The following ITIH3 variants were observed in gnomAD, a reference collection of about 807,000 sequenced individuals.
ITIH3 encodes inter-alpha-trypsin inhibitor heavy chain H3.
A neutral mutation model predicts 96.5 loss-of-function variants in ITIH3; 81 were observed. The observed-to-expected ratio is 0.84, with a 90% CI of 0.70 to 1.01. The LOEUF is 1.01. Ranked by LOEUF, ITIH3 falls within the 50% of genes least tolerant of loss-of-function variation. ITIH3 has a pLI of 0.00. For missense variants in ITIH3, 1,057 were observed against 1,139.3 expected, an observed-to-expected ratio of 0.93 and a Z score of 1.04; for synonymous variants, 422 against 445.2, an observed-to-expected ratio of 0.95 and a Z score of 0.66.
chr3:52,797,186 C>T lies in ITIH3; in HGVS notation c.468C>T (p.Tyr156=), dbSNP rs764559635. ...AGSKVTFELT[Y]EELLKRHKGK... is the part of the protein sequence containing the mutation. ...GCAAAGTCACCTTCGAGCTAACCTA[C>T]GAGGAGCTGCTGAAGAGGCACAAGG... Residue 156 remains tyrosine (Y), a synonymous_variant, in exon 5 of 22, where the codon TAC becomes TAT. Transcript: ENST00000449956. 1.1e-5 allele frequency: 17 copies of T among 1,608,740 alleles called. No individual in the cohort carries two copies. Among genetic ancestry groups the T allele is most frequent in the South Asian group, 6.7e-5 (6 of 89,780 alleles).
intron 15 of ITIH3, chr3:52,805,557 G>A: frequency 7.5e-7 from 1 of 1,327,656 alleles, no homozygotes; most frequent in Non-Finnish European, 9.6e-7. Flanking sequence ...TGACTTAATG[G>A]CTTGCATTTC....
intron 15 of ITIH3, chr3:52,805,376 A>C (rs1200867457): frequency 6.8e-6 from 7 of 1,023,756 alleles, no homozygotes; most frequent in Non-Finnish European, 8.2e-6. Flanking sequence ...GGTGCATGTG[A>C]GTACATATAT....
chr3:52,808,780 A>G lies in ITIH3; in HGVS notation c.*99A>G, dbSNP rs1354024051. On this transcript the variant is annotated 3_prime_UTR_variant, in exon 22 of 22. Transcript: ENST00000449956. ...CCTGTGGGAGGGGCTGGGAAAATAAAGTCCAAGGTCGAGACCAGACAGCTG... is the reference window on the plus strand; with the variant it reads ...CCTGTGGGAGGGGCTGGGAAAATAAGGTCCAAGGTCGAGACCAGACAGCTG... 7 of 1,475,868 alleles carry G rather than the reference A, an allele frequency of 4.7e-6. No individual in the cohort carries two copies. The African/African-American group carries it at 8.3e-5, about 18-fold the overall frequency. The allele number at this position is 1,475,868 out of a possible 1,614,324, so 91.4% of individuals were successfully genotyped here.
At chr3:52,802,623 C>G (rs1340009798) in intron 12 of ITIH3, 44 bp from the exon 13 acceptor site, 2 of 1,612,926 alleles carry the variant, frequency 1.2e-6, no homozygotes. Context: ...GAACCTGATC[C>G]ACCCAAGCCT....
Position 52,796,626 on chromosome 3 carries a change from C to G in ITIH3, c.260C>G (p.Ala87Gly). The G allele has an allele frequency of 6.2e-7, 1 of 1,612,768 alleles. No homozygotes were observed. Among genetic ancestry groups the G allele is most frequent in the South Asian group, 1.1e-5 (1 of 90,830 alleles). The change falls in exon 3 of 22, where the codon GCC becomes GGC. Residue 87 changes from alanine to glycine, a missense_variant. Physicochemically the swap from Ala to Gly is moderately conservative, Grantham distance 60. Transcript: ENST00000449956. The stretch of plus-strand genomic sequence containing the variant: ...TTTGATGTGGAGCTGCCCAAGACGG[C>G]CTTCATCACCAACTTCACCTTGTGG... Reference protein sequence around the residue: ...VSFDVELPKTAFITNFTLTID... With the variant: ...VSFDVELPKTGFITNFTLTID...
chr3:52,799,686 C>A, intron 8 of ITIH3, 67 bp from the exon 9 acceptor site: 1 of 1,491,206 alleles, frequency 6.7e-7, no homozygotes, highest in South Asian at 1.3e-5. Context: ...GGCTGCACCG[C>A]CTGCTGAGCT....
At chr3:52,798,026 A>G (rs1559470590) in intron 6 of ITIH3, 96 bp downstream of exon 6, 2 of 730,012 alleles carry the variant, frequency 2.7e-6, no homozygotes, top group Non-Finnish European at 4.7e-6. Flanking sequence ...TGCTGCAAGC[A>G]TGCATGTGTT....
At chr3:52,800,070 C>A in intron 9 of ITIH3, 149 bp downstream of exon 9, 2 of 692,428 alleles carry the variant, frequency 2.9e-6, no homozygotes, top group South Asian at 2.1e-5. Context: ...GGTCCTCAGG[C>A]TTGAAGACAG....
Position 52,805,677 on chromosome 3 carries a change from C to G in ITIH3, c.1874-131C>G. 6.6e-6 allele frequency: 10 copies of G among 1,516,164 alleles called. No homozygotes were observed. In the South Asian group the frequency reaches 1.2e-4, roughly 18 times the overall value. The allele number at this position is 1,516,164 out of a possible 1,614,324, so 93.9% of individuals were successfully genotyped here. On this transcript the variant is annotated intron_variant, in intron 15 of 21. Transcript: ENST00000449956. ...ATTTCCAAAGCCTAATCTTTGTAGT[C>G]ACATCTCCACCTCTATCTGCCAGTG...
Position 52,808,193 on chromosome 3 carries a change from G to A in ITIH3, c.2515G>A (p.Val839Met). 6.2e-7 allele frequency: 1 copy of A among 1,614,176 alleles called. No individual in the cohort carries two copies. Among genetic ancestry groups the A allele is most frequent in the Non-Finnish European group, 8.5e-7 (1 of 1,180,014 alleles). The change falls in exon 21 of 22, where the codon GTG (valine) becomes ATG (methionine). Residue 839 changes from valine to methionine, a missense_variant. Coordinates refer to ENST00000449956, the MANE Select transcript of ITIH3 (RefSeq NM_002217.4). ...CACAAAGCCAGATGCCACATTGGTG[G>A]TGAAGAACCATCAGCTGATTGTCAC... ...DPTKPDATLV[V>M]KNHQLIVTRG...
At position 52,799,061 on chromosome 3, in the gene ITIH3, C is replaced by A; in HGVS notation, c.759C>A (p.Asp253Glu). ...ATGGAGATTTCACTATCACCTATGA[C>A]GTGAACAGAGAATCTCCTGGCAACG... Reference protein sequence around the residue: ...LLNGDFTITYDVNRESPGNVQ... With the variant: ...LLNGDFTITYEVNRESPGNVQ... The change falls in exon 7 of 22, where the codon GAC (aspartate) becomes GAA (glutamate). Residue 253 changes from aspartate to glutamate, a missense_variant. Coordinates refer to ENST00000449956, the MANE Select transcript of ITIH3 (RefSeq NM_002217.4). 6.2e-7 allele frequency: 1 copy of A among 1,613,474 alleles called. No homozygotes were observed.
At chr3:52,808,014 A>G (rs572367212) in intron 20 of ITIH3, 96 bp from the exon 21 acceptor site, 2 of 1,570,058 alleles carry the variant, frequency 1.3e-6, no homozygotes, top group South Asian at 1.1e-5. Flanking sequence ...AGCTCACAAC[A>G]CCCCATTCAG....
intron 18 of ITIH3, 35 bp from the exon 19 acceptor site, chr3:52,806,866 C>A: frequency 2.0e-6 from 3 of 1,537,512 alleles, no homozygotes; most frequent in East Asian, 2.4e-5. Flanking sequence ...CAGAAGTTCT[C>A]GCTGGTCTCT....
In ITIH3 at chr3:52,795,535, C is replaced by T. The variant is rs1376200223; in HGVS notation, c.94-68C>T. On this transcript the variant is annotated intron_variant, in intron 1 of 21. Coordinates refer to ENST00000449956, the MANE Select transcript of ITIH3 (RefSeq NM_002217.4). ...CCCCTGGTCTCAGCCCAGAGCCTCCCAGGCCATGCGGCCTTGGTGTTGGCC... is the reference window on the plus strand; with the variant it reads ...CCCCTGGTCTCAGCCCAGAGCCTCCTAGGCCATGCGGCCTTGGTGTTGGCC... 3 of 1,544,808 alleles carry T rather than the reference C, an allele frequency of 1.9e-6. No individual in the cohort carries two copies. The African/African-American group carries it at 4.1e-5, about 21-fold the overall frequency.
chr3:52,807,743 G>A lies in ITIH3; in HGVS notation c.2262-4G>A, dbSNP rs750660955. The A allele has an allele frequency of 5.0e-5, 80 of 1,607,876 alleles. No homozygotes were observed. Among genetic ancestry groups the A allele is most frequent in the South Asian group, 1.1e-4 (10 of 89,608 alleles). ...CACAGCCACTTTCTGGCTTCCTCTCGTAGGCTGTCCATGATGATCAACAGG... is the reference window on the plus strand; with the variant it reads ...CACAGCCACTTTCTGGCTTCCTCTCATAGGCTGTCCATGATGATCAACAGG... On this transcript the variant is annotated splice_region_variant and splice_polypyrimidine_tract_variant and intron_variant, in intron 19 of 21. Transcript: ENST00000449956.
chr3:52,798,503 C>T (rs1328265568), intron 6 of ITIH3: 3 of 182,530 alleles, frequency 1.6e-5, no homozygotes. Flanking sequence ...TCCTCCTCCC[C>T]TTTCTCCTCC....
chr3:52,801,231 T>C, intron 11 of ITIH3, 85 bp downstream of exon 11: 2 of 1,239,476 alleles, frequency 1.6e-6, no homozygotes, highest in Non-Finnish European at 2.2e-6. Flanking sequence ...GTTCTAGTTA[T>C]TAGGAAGAGC....
At chr3:52,805,453 A>T in intron 15 of ITIH3, 1 of 1,094,024 alleles carries the variant, frequency 9.1e-7, no homozygotes, top group South Asian at 2.9e-5. Flanking sequence ...AAGAAGCAAC[A>T]GACAGCCGTG....
In ITIH3 at chr3:52,799,827, A is replaced by C. The variant is rs1163751494; in HGVS notation, c.981A>C (p.Gly327=). ...EDYLNFILFS[G]DVSTWKEHLV... is the part of the protein sequence containing the mutation. ...ATCTGAATTTCATCCTGTTCAGTGG[A>C]GATGTGTCCACATGGAAAGAGCACT... Residue 327 remains glycine, a synonymous_variant, in exon 9 of 22, where the codon GGA becomes GGC. Coordinates refer to ENST00000449956, the MANE Select transcript of ITIH3 (RefSeq NM_002217.4). The C allele has an allele frequency of 4.3e-6, 7 of 1,613,732 alleles. No individual in the cohort carries two copies.
Sources: allele counts gnomAD v4.1 joint callset, GRCh38; gene constraint gnomAD v4.1.1; transcripts MANE v1.5; gene names NCBI Gene and HGNC (gene_info 2026-07-23, HGNC 2026-07-21).